Variants in IRF2 observed in about 807,000 individuals in gnomAD.
IRF2 encodes the protein interferon regulatory factor 2.
IRF2 carries 15 observed loss-of-function variants against 40.6 expected under a neutral mutation model. That is an observed-to-expected ratio of 0.37 (90% CI 0.25 to 0.57). The LOEUF is 0.57. Ranked by LOEUF, IRF2 falls within the 20% of genes least tolerant of loss-of-function variation. The pLI, the probability that IRF2 is intolerant of heterozygous loss-of-function variation, is 0.77. For missense variants in IRF2, 317 were observed against 455.7 expected (o/e 0.70, Z 2.77); for synonymous variants, 151 against 165.5 (o/e 0.91, Z 0.67).
At chr4:184,401,606 A>C (rs1450634634) in intron 6 of IRF2, among the ~76,000 whole-genome samples, 1 of 152,210 alleles carries the variant, frequency 6.6e-6, no homozygotes, top group Non-Finnish European at 1.5e-5. Flanking sequence ...ACGCTGACCT[A>C]CACCAACCTC....
At chr4:184,441,058 C>T (rs1738287147) in intron 1 of IRF2, among the ~76,000 whole-genome samples, 1 of 152,222 alleles carries the variant, frequency 6.6e-6, no homozygotes, top group Admixed American at 6.5e-5. Context: ...ACACAAGACA[C>T]ATACATGCCC....
chr4:184,412,823 C>A (rs969577851), intron 5 of IRF2, among the ~76,000 whole-genome samples: 2 of 152,180 alleles, frequency 1.3e-5, no homozygotes, highest in East Asian at 1.9e-4. Context: ...ATCTTCTCTG[C>A]GGGCCTTTGT....
At chr4:184,439,226 A>C (rs1420273138) in intron 1 of IRF2, among the ~76,000 whole-genome samples, 2 of 151,970 alleles carry the variant, frequency 1.3e-5, no homozygotes, top group Non-Finnish European at 2.9e-5. Context: ...TGCTACTCCA[A>C]ATACATCATA....
intron 6 of IRF2, among the ~76,000 whole-genome samples, chr4:184,406,157 C>G (rs563696265): frequency 1.3e-5 from 2 of 152,118 alleles, no homozygotes; most frequent in South Asian, 2.1e-4. Flanking sequence ...AAGGCATGGG[C>G]ACAGCTGACA....
At chr4:184,404,369 A>T (rs1407947613) in intron 6 of IRF2, among the ~76,000 whole-genome samples, 1 of 152,256 alleles carries the variant, frequency 6.6e-6, no homozygotes, top group African/African-American at 2.4e-5. Context: ...TTCTTAATCA[A>T]ATATATTTTA....
intron 2 of IRF2, among the ~76,000 whole-genome samples, chr4:184,425,581 T>C (rs1041831585): frequency 2.0e-5 from 3 of 152,258 alleles, no homozygotes; most frequent in African/African-American, 7.2e-5. Flanking sequence ...TTCATCAGCC[T>C]GGCTCAGGTC....
chr4:184,435,195 C>T (rs542007504), intron 1 of IRF2, among the ~76,000 whole-genome samples: 8 of 152,306 alleles, frequency 5.3e-5, no homozygotes, highest in African/African-American at 1.2e-4. Context: ...GCCTATCTAA[C>T]GTGAAACACC....
intron 5 of IRF2, among the ~76,000 whole-genome samples, chr4:184,409,919 T>G (rs771467174): frequency 2.7e-4 from 40 of 148,468 alleles, no homozygotes; most frequent in Admixed American, 2.2e-3. Flanking sequence ...AAAAAAAAAG[T>G]CTGCCCCTTC....
At chr4:184,420,282 G>A (rs573894291) in intron 2 of IRF2, among the ~76,000 whole-genome samples, 10 of 152,192 alleles carry the variant, frequency 6.6e-5, no homozygotes, top group African/African-American at 1.9e-4. Context: ...AGCTATCTTA[G>A]GTAAATTAAA....
intron 1 of IRF2, among the ~76,000 whole-genome samples, chr4:184,446,934 C>T (rs793787): frequency 0.38 from 56,940 of 151,652 alleles, 11,154 homozygotes; most frequent in East Asian, 0.62. Context: ...CCAGCCTGGG[C>T]GACAGAGCAA....
chr4:184,412,965 A>G (rs1336179606), intron 5 of IRF2, among the ~76,000 whole-genome samples: 1 of 152,176 alleles, frequency 6.6e-6, no homozygotes, highest in Non-Finnish European at 1.5e-5. Context: ...ATTTACCTTC[A>G]GGGCTCTCTG....
chr4:184,413,296 G>C lies in IRF2; in HGVS notation c.411+4871C>G, dbSNP rs1190379578. Among the ~76,000 whole-genome samples the C allele has an allele frequency of 2.0e-5, 3 of 152,172 alleles. No individual in the cohort carries two copies. Among genetic ancestry groups the C allele is most frequent in the African/African-American group, 7.2e-5 (3 of 41,444 alleles). On this transcript the variant is annotated intron_variant, in intron 5 of 8. Coordinates refer to ENST00000393593, the MANE Select transcript of IRF2 (RefSeq NM_002199.4). This position sits in a 1 kb window ranked among gnomAD's most constrained non-coding sequence, Gnocchi z 4.2. ...CAACTGTGTCTCATTCCGTAAAACT[G>C]TCCCTCAAGCTCTTCCAACTGGGTT...
chr4:184,444,219 A>ATAAGATATCT (rs1738419502), intron 1 of IRF2, among the ~76,000 whole-genome samples: 1 of 152,176 alleles, frequency 6.6e-6, no homozygotes, highest in African/African-American at 2.4e-5. Flanking sequence ...TATCTCATAT[A>ATAAGATATCT]CAGTATAGTG....
intron 1 of IRF2, among the ~76,000 whole-genome samples, chr4:184,464,738 G>C (rs767282410): frequency 6.6e-6 from 1 of 152,162 alleles, no homozygotes; most frequent in Non-Finnish European, 1.5e-5. Flanking sequence ...ACAGACCTTG[G>C]AGACATCCCC....
rs1736949108 is a variant in IRF2 at position 184,408,557 on chromosome 4, T to C, written c.412-282A>G. Among the ~76,000 whole-genome samples, 1 of 152,202 alleles carries C rather than the reference T, an allele frequency of 6.6e-6. No homozygotes were observed. The highest frequency in any genetic ancestry group is 1.5e-5 in the Non-Finnish European group (1 of 68,030). On this transcript the variant is annotated intron_variant, in intron 5 of 8. Transcript: ENST00000393593. The surrounding 1 kb of genome is among the most constrained non-coding windows in gnomAD (Gnocchi z 4.9). ...TGCTTCCACCTGCAGACAATAGCTT[T>C]GGGGCTACGCAGAGCTGCATCATTG...
At chr4:184,450,158 G>A (rs1481732450) in intron 1 of IRF2, among the ~76,000 whole-genome samples, 1 of 152,172 alleles carries the variant, frequency 6.6e-6, no homozygotes, top group East Asian at 1.9e-4. Context: ...ATCCAACACA[G>A]TTAATATTTC....
chr4:184,416,628 T>C (rs979305079), intron 5 of IRF2, among the ~76,000 whole-genome samples: 10 of 152,182 alleles, frequency 6.6e-5, no homozygotes, highest in African/African-American at 2.2e-4. Context: ...AATGACATCA[T>C]GGTATTTTTA....
At chr4:184,430,443 C>T (rs1332521259) in intron 1 of IRF2, among the ~76,000 whole-genome samples, 3 of 152,142 alleles carry the variant, frequency 2.0e-5, no homozygotes, top group Non-Finnish European at 4.4e-5. Context: ...AGGTCCTTAT[C>T]CGCCCTCTAA....
At chr4:184,462,303 C>T (rs3756103) in intron 1 of IRF2, among the ~76,000 whole-genome samples, 90,047 of 151,960 alleles carry the variant, frequency 0.59, 27,115 homozygotes, top group African/African-American at 0.69. Flanking sequence ...AGCTGCTGGC[C>T]CTGCTAACAT....
Sources: allele counts gnomAD v4.1 joint callset (sites outside exome capture counted in the v4.1 genomes callset), GRCh38; gene constraint gnomAD v4.1.1; non-coding constraint Gnocchi (gnomAD v3.1); transcripts MANE v1.5; gene names NCBI Gene and HGNC (gene_info 2026-07-23, HGNC 2026-07-21).